The following GSR variants were observed in gnomAD, a reference collection of about 807,000 sequenced individuals.
The protein encoded by GSR is glutathione reductase, mitochondrial.
In GSR, 48 loss-of-function variants were observed where a neutral mutation model predicts 56.5. That is an observed-to-expected ratio of 0.85 (90% CI 0.67 to 1.08). The LOEUF is 1.08. Ranked by LOEUF, GSR falls within the 50% of genes least tolerant of loss-of-function variation. The pLI, the probability that GSR is intolerant of heterozygous loss-of-function variation, is 0.00. For missense variants in GSR, 694 were observed against 703.3 expected (o/e 0.99, Z 0.15); for synonymous variants, 264 against 270.8 (o/e 0.97, Z 0.25).
intron 4 of GSR, chr8:30,704,895 G>A (rs578232322): frequency 1.3e-5 from 2 of 152,108 alleles, no homozygotes; most frequent in African/African-American, 2.4e-5. Context: ...CTCGCGTGGC[G>A]ATAGGACAGA....
At chr8:30,690,204 G>T (rs1011732916) in intron 8 of GSR, among the ~76,000 whole-genome samples, 15 of 149,274 alleles carry the variant, frequency 1.0e-4, no homozygotes, top group Non-Finnish European at 2.1e-4. Flanking sequence ...AAGAGACAGG[G>T]TCTTGCTCTG....
intron 6 of GSR, among the ~76,000 whole-genome samples, chr8:30,697,787 C>G (rs1333974043): frequency 6.6e-6 from 1 of 152,178 alleles, no homozygotes; most frequent in Non-Finnish European, 1.5e-5. Context: ...CTCCTAGGCT[C>G]AAGTGATCCT....
chr8:30,709,675 T>G, intron 3 of GSR, 139 bp downstream of exon 3: 2 of 700,064 alleles, frequency 2.9e-6, no homozygotes, highest in Non-Finnish European at 5.2e-6. Flanking sequence ...ATTGTATACT[T>G]AAAAATGGCT....
At chr8:30,721,727 T>C (rs1804543703) in intron 1 of GSR, among the ~76,000 whole-genome samples, 1 of 151,624 alleles carries the variant, frequency 6.6e-6, no homozygotes, top group African/African-American at 2.4e-5. Flanking sequence ...TAAAAAAAGT[T>C]CTTGGATTCT....
chr8:30,724,541 C>T (rs963148754), intron 1 of GSR, among the ~76,000 whole-genome samples: 4 of 117,622 alleles, frequency 3.4e-5, no homozygotes, highest in African/African-American at 9.2e-5. Context: ...CCCAACCCCC[C>T]ACCTTTTTTT....
intron 11 of GSR, among the ~76,000 whole-genome samples, chr8:30,681,692 T>A (rs1802965427): frequency 6.6e-6 from 1 of 151,730 alleles, no homozygotes; most frequent in Admixed American, 6.6e-5. Context: ...TTAAAATTAG[T>A]TCAAATAAAA....
chr8:30,685,985 C>CAAAAAAAAAAAAAAAAAA (rs71206274), intron 9 of GSR, among the ~76,000 whole-genome samples: 1 of 37,234 alleles, frequency 2.7e-5, no homozygotes, highest in Non-Finnish European at 4.7e-5. Context: ...GACTCTGCCT[C>CAAAAAAAAAAAAAAAAAA]AAAAAAAAAA....
At chr8:30,681,146 A>G in intron 11 of GSR, 109 bp from the exon 12 acceptor site, 2 of 884,454 alleles carry the variant, frequency 2.3e-6, no homozygotes, top group Admixed American at 1.8e-5. Context: ...CCACGAGGAA[A>G]TATCAAACCA....
At chr8:30,727,472 C>T in intron 1 of GSR, 58 bp downstream of exon 1, 1 of 1,449,190 alleles carries the variant, frequency 6.9e-7, no homozygotes, top group Non-Finnish European at 9.3e-7. Flanking sequence ...CACAGGCTGT[C>T]CCCCGAAAGA....
At chr8:30,684,322 T>C (rs939809547) in intron 9 of GSR, 123 bp from the exon 10 acceptor site, 3 of 755,450 alleles carry the variant, frequency 4.0e-6, no homozygotes, top group Non-Finnish European at 7.3e-6. Context: ...CAAGAAACCA[T>C]GAGACTCAGC....
At chr8:30,680,696 C>T (rs751932305) in intron 12 of GSR, among the ~76,000 whole-genome samples, 6 of 151,998 alleles carry the variant, frequency 3.9e-5, no homozygotes, top group Non-Finnish European at 5.9e-5. Flanking sequence ...CGCCTGGCAT[C>T]GTCTTTATTT....
In GSR at chr8:30,727,746, C is replaced by T; in HGVS notation, c.90G>A (p.Leu30=). 1 of 1,397,270 alleles carries T rather than the reference C, an allele frequency of 7.2e-7. No homozygotes were observed. 86.6% of individuals were successfully genotyped at this position (1,397,270 alleles called of 1,614,324 possible). Residue 30 remains leucine (L), a synonymous_variant, in exon 1 of 13, where the codon CTG becomes CTA. Coordinates refer to ENST00000221130, the MANE Select transcript of GSR (RefSeq NM_000637.5). ...CGCGCGTGAGGGCCGCGGGCTCGGGCAGAAGCAGCAGGAAGCCTCGGAAGG... is the reference window on the plus strand; with the variant it reads ...CGCGCGTGAGGGCCGCGGGCTCGGGTAGAAGCAGCAGGAAGCCTCGGAAGG... The part of the protein sequence containing the change: ...ARAFRGFLLL[L]PEPAALTRAL...
chr8:30,714,023 A>G (rs577227969), intron 1 of GSR, among the ~76,000 whole-genome samples: 36 of 152,282 alleles, frequency 2.4e-4, no homozygotes, highest in African/African-American at 7.9e-4. Context: ...GAGTTCTAAC[A>G]TACACTGTTA....
chr8:30,679,590 G>T lies in GSR; in HGVS notation c.1499C>A (p.Thr500Lys). The change falls in exon 13 of 13, where the codon ACG (threonine) becomes AAG (lysine). Residue 500 changes from threonine to lysine, a missense_variant. Coordinates refer to ENST00000221130, the MANE Select transcript of GSR (RefSeq NM_000637.5). ...GFAVAVKMGA[T>K]KADFDNTVAI... ...GACTGTGTTGTCAAAGTCTGCCTTC[G>T]TTGCTCCCATCTTCACTGCAACAGC... The T allele has an allele frequency of 6.2e-7, 1 of 1,613,836 alleles. No individual in the cohort carries two copies. Among genetic ancestry groups the T allele is most frequent in the East Asian group, 2.2e-5 (1 of 44,884 alleles).
intron 4 of GSR, among the ~76,000 whole-genome samples, chr8:30,705,367 A>G (rs1287402639): frequency 6.6e-6 from 1 of 151,952 alleles, no homozygotes. Flanking sequence ...GGTTCACGCC[A>G]TTCTCCTGCC....
At chr8:30,705,477 T>C (rs1199200805) in intron 4 of GSR, among the ~76,000 whole-genome samples, 3 of 152,164 alleles carry the variant, frequency 2.0e-5, no homozygotes, top group Non-Finnish European at 4.4e-5. Flanking sequence ...TTAGCCAGGA[T>C]GGTCTCAATC....
rs376850387 is a variant in GSR at position 30,695,761 on chromosome 8, G to A, written c.795+619C>T. On this transcript the variant is annotated intron_variant, in intron 7 of 12. Coordinates refer to ENST00000221130, the MANE Select transcript of GSR (RefSeq NM_000637.5). ...CCAGAAATTAATAAATTAACCTGGC[G>A]GGGCTTGGTGGCTCACACCTGTAAT... 9.4e-4 allele frequency among the ~76,000 whole-genome samples: 143 copies of A among 152,108 alleles called. 1 individual carries two copies. The South Asian group carries it at 0.011, about 12-fold the overall frequency.
intron 6 of GSR, among the ~76,000 whole-genome samples, chr8:30,696,966 C>T (rs567228333): frequency 3.9e-5 from 6 of 152,110 alleles, no homozygotes; most frequent in Admixed American, 6.6e-5. Context: ...CCCAAAGTGC[C>T]GGCATTACAG....
At chr8:30,680,074 T>C (rs892178812) in intron 12 of GSR, among the ~76,000 whole-genome samples, 3 of 152,166 alleles carry the variant, frequency 2.0e-5, no homozygotes, top group African/African-American at 7.2e-5. Context: ...TATTCCTCTC[T>C]ATATAGCAGT....
Sources: gnomAD v4.1 joint callset for allele counts (sites outside exome capture counted in the v4.1 genomes callset) on GRCh38, gnomAD v4.1.1 for gene constraint, MANE v1.5 for transcripts, NCBI Gene and HGNC (gene_info 2026-07-23, HGNC 2026-07-21) for gene names.